Variants in KIF13A observed in about 807,000 individuals in gnomAD.
KIF13A encodes the protein kinesin family member 13A.
In KIF13A, 79 loss-of-function variants were observed where a neutral mutation model predicts 212.2. That is an observed-to-expected ratio of 0.37 (90% CI 0.31 to 0.45). KIF13A has a LOEUF of 0.45. Among genes scored for constraint, KIF13A ranks in the 20% least tolerant of loss-of-function variants. The probability of loss-of-function intolerance (pLI) is 1.00; values close to 1 mark genes in which losing one functional copy is unlikely to be tolerated. For missense variants in KIF13A, 1,901 were observed against 2,209.0 expected, an observed-to-expected ratio of 0.86 and a Z score of 2.79; for synonymous variants, 789 against 808.6, an observed-to-expected ratio of 0.98 and a Z score of 0.41.
rs1760106712 is a variant in KIF13A, at chr6:17,777,517, A to T, written c.4093-163T>A. On this transcript the variant is annotated intron_variant, in intron 33 of 38. Coordinates refer to ENST00000259711, the MANE Select transcript of KIF13A (RefSeq NM_022113.6). This position sits in a 1 kb window ranked among gnomAD's most constrained non-coding sequence, Gnocchi z 4.4. ...TGCCTCAGTCTCCTGAGTAGCTGGG[A>T]CTACAGGTGCACGCCACCACACTCG... 6.6e-6 allele frequency among the ~76,000 whole-genome samples: 1 copy of T among 151,630 alleles called. No homozygotes were observed. Among genetic ancestry groups the T allele is most frequent in the Admixed American group, 6.6e-5 (1 of 15,212 alleles).
At chr6:17,980,400 AATAG>A (rs1439819709) in intron 2 of KIF13A, among the ~76,000 whole-genome samples, 5 of 152,198 alleles carry the variant, frequency 3.3e-5, no homozygotes, top group African/African-American at 1.2e-4. Flanking sequence ...AGGGAAGGAA[AATAG>A]AAAAATAGGA....
In KIF13A at chr6:17,765,266, TGTTA is replaced by T. The variant is rs368250553; in HGVS notation, c.4582-324_4582-321del. The stretch of plus-strand genomic sequence containing the variant: ...TGGAACTGAAGTGCAGTGGACATTT[TGTTA>T]GTTATTCAAAATTAGCTTTTAGTTG... On this transcript the variant is annotated intron_variant, in intron 38 of 38. Transcript: ENST00000259711. 6.2e-3 allele frequency among the ~76,000 whole-genome samples: 940 copies of T among 152,348 alleles called. 13 individuals are homozygous for T. The highest frequency in any genetic ancestry group is 0.021 in the African/African-American group (863 of 41,582).
At chr6:17,906,901 C>T (rs991942540) in intron 2 of KIF13A, among the ~76,000 whole-genome samples, 8 of 152,112 alleles carry the variant, frequency 5.3e-5, no homozygotes, top group Admixed American at 2.0e-4. Flanking sequence ...AGGTAAGACA[C>T]TCATGGTCTG....
At chr6:17,887,996 G>A (rs1401761213) in intron 3 of KIF13A, among the ~76,000 whole-genome samples, 2 of 151,584 alleles carry the variant, frequency 1.3e-5, no homozygotes, top group East Asian at 3.9e-4. Flanking sequence ...GTGAGCCACT[G>A]GGCCCAGCCC....
chr6:17,877,080 A>C (rs1449045438), intron 3 of KIF13A, among the ~76,000 whole-genome samples: 1 of 151,140 alleles, frequency 6.6e-6, no homozygotes, highest in Non-Finnish European at 1.5e-5. Flanking sequence ...TCTCGCAGGG[A>C]AACAGGCATT....
intron 19 of KIF13A, 141 bp from the exon 20 acceptor site, chr6:17,804,651 A>T: frequency 1.1e-6 from 1 of 924,116 alleles, no homozygotes; most frequent in Non-Finnish European, 1.6e-6. Context: ...ATGTCACATA[A>T]ATAAAAACTA....
At position 17,968,442 on chromosome 6, in the gene KIF13A, T is replaced by C. The variant is rs756641389; in HGVS notation, c.146+18612A>G. On this transcript the variant is annotated intron_variant, in intron 2 of 38. Transcript: ENST00000259711. This position sits in a 1 kb window ranked among gnomAD's most constrained non-coding sequence, Gnocchi z 4.7. ...AGAATGCCCAACTACATCAGGTTGG[T>C]GTAGGGTCCATTCATCCAGTCTGGG... Among the ~76,000 whole-genome samples, 3 of 152,320 alleles carry C rather than the reference T, an allele frequency of 2.0e-5. No individual in the cohort carries two copies. Among genetic ancestry groups the C allele is most frequent in the Non-Finnish European group, 2.9e-5 (2 of 68,008 alleles).
chr6:17,877,395 A>G (rs1304691710), intron 3 of KIF13A, among the ~76,000 whole-genome samples: 1 of 152,172 alleles, frequency 6.6e-6, no homozygotes, highest in Non-Finnish European at 1.5e-5. Flanking sequence ...ACTGCATTCA[A>G]GGGCTCTTCC....
At chr6:17,844,561 T>C (rs1347980338) in intron 9 of KIF13A, among the ~76,000 whole-genome samples, 1 of 152,200 alleles carries the variant, frequency 6.6e-6, no homozygotes, top group Non-Finnish European at 1.5e-5. Context: ...TTATTCTTTC[T>C]CAAAATAACT....
chr6:17,852,047 G>A lies in KIF13A; in HGVS notation c.495-5C>T, dbSNP rs767343214. ...ACTTTAAGAGACTGTCTACTCCTGCGGGAGGGAGGAAAAAGGAATAAATGA... is the reference window on the plus strand; with the variant it reads ...ACTTTAAGAGACTGTCTACTCCTGCAGGAGGGAGGAAAAAGGAATAAATGA... On this transcript the variant is annotated splice_polypyrimidine_tract_variant and splice_region_variant and intron_variant, in intron 6 of 38. Transcript: ENST00000259711. 26 of 1,446,804 alleles carry A rather than the reference G, an allele frequency of 1.8e-5. No homozygotes were observed. In the East Asian group the frequency reaches 2.4e-4, roughly 13 times the overall value. The allele number at this position is 1,446,804 out of a possible 1,614,324, so 89.6% of individuals were successfully genotyped here.
intron 6 of KIF13A, among the ~76,000 whole-genome samples, chr6:17,853,378 T>C (rs1767844011): frequency 6.6e-6 from 1 of 152,176 alleles, no homozygotes; most frequent in African/African-American, 2.4e-5. Flanking sequence ...GTATCTGAAA[T>C]TCTTGTACAC....
rs1770239864 is a variant in KIF13A, at chr6:17,873,784, C to T, written c.160-347G>A. Among the ~76,000 whole-genome samples, 3 of 152,026 alleles carry T rather than the reference C, an allele frequency of 2.0e-5. No homozygotes were observed. The South Asian group carries it at 6.2e-4, about 32-fold the overall frequency. Reference sequence around the variant, plus strand: ...AAAAAAATTGTTGCAGACAGGAGGTCTTGCCCTATTGCTCAGGCTGGTCTC... The same window carrying T: ...AAAAAAATTGTTGCAGACAGGAGGTTTTGCCCTATTGCTCAGGCTGGTCTC... On this transcript the variant is annotated intron_variant, in intron 3 of 38. Coordinates refer to ENST00000259711, the MANE Select transcript of KIF13A (RefSeq NM_022113.6).
At chr6:17,866,050 A>C (rs1238049739) in intron 4 of KIF13A, among the ~76,000 whole-genome samples, 2 of 152,198 alleles carry the variant, frequency 1.3e-5, no homozygotes, top group Non-Finnish European at 2.9e-5. Context: ...AAAGCCACTC[A>C]CCTGTGAAGA....
At chr6:17,775,911 C>T (rs1200494737) in intron 34 of KIF13A, among the ~76,000 whole-genome samples, 1 of 151,710 alleles carries the variant, frequency 6.6e-6, no homozygotes, top group African/African-American at 2.4e-5. Flanking sequence ...GACAGAGTTT[C>T]ACTCTTGTTG....
In KIF13A at chr6:17,851,955, C is replaced by T; in HGVS notation, c.582G>A (p.Glu194=). Residue 194 remains glutamate, a splice_region_variant and synonymous_variant, in exon 7 of 39, where the codon GAG becomes GAA. Transcript: ENST00000259711. ...TCACATTTTAAAAAAAATGACTTAC[C>T]TCAAAACTAGTGACAGCTAGTTGAG... The part of the protein sequence containing the change: ...GLSQLAVTSF[E]DIESLMSEGN... 1 of 1,488,778 alleles carries T rather than the reference C, an allele frequency of 6.7e-7. No homozygotes were observed. The highest frequency in any genetic ancestry group is 9.0e-7 in the Non-Finnish European group (1 of 1,117,304). 92.2% of individuals were successfully genotyped at this position (1,488,778 alleles called of 1,614,324 possible).
intron 2 of KIF13A, among the ~76,000 whole-genome samples, chr6:17,981,629 G>A (rs142968838): frequency 2.6e-5 from 4 of 151,834 alleles, no homozygotes; most frequent in Non-Finnish European, 5.9e-5. Flanking sequence ...TCACAATGTT[G>A]GCCAGGATGA....
At position 17,886,296 on chromosome 6, in the gene KIF13A, G is replaced by C. The variant is rs1561721171; in HGVS notation, c.159+11872C>G. Among the ~76,000 whole-genome samples the C allele has an allele frequency of 6.6e-6, 1 of 152,146 alleles. No individual in the cohort carries two copies. On this transcript the variant is annotated intron_variant, in intron 3 of 38. Transcript: ENST00000259711. The surrounding 1 kb of genome is among the most constrained non-coding windows in gnomAD (Gnocchi z 5.6). ...CTCACTGCACCATGCCAGGTACATA[G>C]AGCCACAGAGAGGAGAATGCTAGGC...
At chr6:17,761,674 C>T (rs1325681655), downstream of KIF13A, among the ~76,000 whole-genome samples, 10 of 151,930 alleles carry the variant, frequency 6.6e-5, no homozygotes, top group African/African-American at 1.7e-4. Context: ...TGAGCCACTG[C>T]GCTCCGCTAA....
intron 2 of KIF13A, among the ~76,000 whole-genome samples, chr6:17,927,532 T>C (rs1581755640): frequency 6.6e-6 from 1 of 151,718 alleles, no homozygotes; most frequent in Middle Eastern, 3.4e-3. Context: ...AAATAAGGAG[T>C]TATTTAATGG....
Sources: allele counts gnomAD v4.1 joint callset (sites outside exome capture counted in the v4.1 genomes callset), GRCh38; gene constraint gnomAD v4.1.1; non-coding constraint Gnocchi (gnomAD v3.1); transcripts MANE v1.5; gene names NCBI Gene and HGNC (gene_info 2026-07-23, HGNC 2026-07-21).